Variants in SETBP1 observed in about 807,000 individuals in gnomAD.
SETBP1 encodes SET-binding protein.
Under a neutral mutation model 101.0 loss-of-function variants are expected in SETBP1, and 9 were observed. The observed-to-expected ratio is 0.09, with a 90% CI of 0.05 to 0.16. SETBP1 has a LOEUF of 0.16. SETBP1 is among the 10% of genes least tolerant of loss of function. The pLI, the probability that SETBP1 is intolerant of heterozygous loss-of-function variation, is 1.00. For missense variants in SETBP1, 1,858 were observed against 2,033.8 expected (o/e 0.91, Z 1.66); for synonymous variants, 818 against 788.5 (o/e 1.04, Z -0.63).
At chr18:44,984,294 G>C (rs2072181007) in intron 4 of SETBP1, among the ~76,000 whole-genome samples, 1 of 152,220 alleles carries the variant, frequency 6.6e-6, no homozygotes, top group Non-Finnish European at 1.5e-5. Context: ...AGGCAGGGCA[G>C]GGGAGTGGGG....
intron 4 of SETBP1, among the ~76,000 whole-genome samples, chr18:44,955,349 C>T (rs145241382): frequency 9.7e-4 from 147 of 152,282 alleles, no homozygotes; most frequent in Middle Eastern, 3.4e-3. Context: ...ATGACAATGT[C>T]ATGAAAGAAA....
At chr18:44,731,841 A>G (rs1158336839) in intron 2 of SETBP1, among the ~76,000 whole-genome samples, 1 of 152,224 alleles carries the variant, frequency 6.6e-6, no homozygotes, top group Non-Finnish European at 1.5e-5. Flanking sequence ...TGAAGACAGT[A>G]TGAAATACAA....
chr18:45,043,363 T>TCTCTCTCA (rs143126603), intron 5 of SETBP1, among the ~76,000 whole-genome samples: 1 of 149,472 alleles, frequency 6.7e-6, no homozygotes, highest in Non-Finnish European at 1.5e-5. Flanking sequence ...TCTCTCTCTC[T>TCTCTCTCA]CTCACACACT....
At chr18:45,020,062 G>T (rs956387011) in intron 4 of SETBP1, among the ~76,000 whole-genome samples, 2 of 151,778 alleles carry the variant, frequency 1.3e-5, no homozygotes, top group Non-Finnish European at 2.9e-5. Context: ...CCAGGGTTGT[G>T]GCAGGTTGAG....
chr18:44,843,809 G>T (rs1265364733), intron 2 of SETBP1, among the ~76,000 whole-genome samples: 1 of 152,144 alleles, frequency 6.6e-6, no homozygotes, highest in African/African-American at 2.4e-5. Context: ...GCTTGGGAGG[G>T]TCTCAGTGCA....
Position 44,952,718 on chromosome 18 carries a change from T to A in SETBP1, c.3378T>A (p.Gly1126=). 1 of 1,614,026 alleles carries A rather than the reference T, an allele frequency of 6.2e-7. No individual in the cohort carries two copies. The highest frequency in any genetic ancestry group is 1.6e-4 in the Middle Eastern group (1 of 6,062). The stretch of plus-strand genomic sequence containing the variant: ...AGGGACCTGTTAGCATGGGCCTTGG[T>A]GACATGCAGCCTTCTCTGAACCCTC... ...HLQGPVSMGL[G]DMQPSLNPPK... The change falls in exon 4 of 6, where the codon GGT becomes GGA. Residue 1126 remains glycine (G), a synonymous_variant. Transcript: ENST00000649279.
chr18:44,962,112 G>A (rs1428868875), intron 4 of SETBP1, among the ~76,000 whole-genome samples: 3 of 152,322 alleles, frequency 2.0e-5, no homozygotes, highest in South Asian at 4.1e-4. Context: ...GTTAGCATTC[G>A]TAAAACAACC....
chr18:44,714,061 G>A (rs1199620269), intron 2 of SETBP1, among the ~76,000 whole-genome samples: 1 of 152,194 alleles, frequency 6.6e-6, no homozygotes, highest in Non-Finnish European at 1.5e-5. Context: ...TGAAAGGGCT[G>A]TTAAGTGTGT....
chr18:44,842,259 A>T lies in SETBP1; in HGVS notation c.487-26971A>T, dbSNP rs76437310. 7.5e-4 allele frequency among the ~76,000 whole-genome samples: 114 copies of T among 152,300 alleles called. 1 individual carries two copies. In the East Asian group the frequency reaches 0.021, roughly 28 times the overall value. On this transcript the variant is annotated intron_variant, in intron 2 of 5. Transcript: ENST00000649279. ...CCAGGCTCATCTCTAGCCTTTCCCC[A>T]GGAGGGCTGGGACATGTGAAGGGCA...
Position 44,855,704 on chromosome 18 carries a change from CCAGA to C in SETBP1, c.487-13525_487-13522del, listed in dbSNP as rs1307884048. ...TGCCTCACAATGGTGATTCCCCCAC[CCAGA>C]GAGCCAGTTGTTGAAGAATTTCCAG... On this transcript the variant is annotated intron_variant, in intron 2 of 5. Coordinates refer to ENST00000649279, the MANE Select transcript of SETBP1 (RefSeq NM_015559.3). 2.0e-5 allele frequency among the ~76,000 whole-genome samples: 3 copies of C among 152,170 alleles called. No individual in the cohort carries two copies. The East Asian group carries it at 5.8e-4, about 29-fold the overall frequency.
At chr18:45,021,125 A>C (rs2073055792) in intron 4 of SETBP1, among the ~76,000 whole-genome samples, 1 of 152,264 alleles carries the variant, frequency 6.6e-6, no homozygotes, top group Admixed American at 6.5e-5. Context: ...TGAACAAATA[A>C]ATAGGTAATA....
chr18:44,807,285 A>G (rs569829638), intron 2 of SETBP1, among the ~76,000 whole-genome samples: 4 of 151,908 alleles, frequency 2.6e-5, no homozygotes, highest in African/African-American at 9.6e-5. Context: ...ACGGCCACTG[A>G]TTTCATTTTT....
chr18:44,891,758 A>G (rs1463835542), intron 3 of SETBP1, among the ~76,000 whole-genome samples: 1 of 152,164 alleles, frequency 6.6e-6, no homozygotes, highest in Non-Finnish European at 1.5e-5. Context: ...TGACCAATTC[A>G]GAGTCCTGCT....
intron 4 of SETBP1, chr18:44,987,275 C>T (rs1049828859): frequency 2.0e-5 from 3 of 152,248 alleles, no homozygotes; most frequent in African/African-American, 7.2e-5. Flanking sequence ...CCAGAAGAGC[C>T]CCCAGAGTTT....
chr18:45,001,295 CTTTA>C (rs998869981), intron 4 of SETBP1, among the ~76,000 whole-genome samples: 1 of 152,160 alleles, frequency 6.6e-6, no homozygotes, highest in African/African-American at 2.4e-5. Context: ...TTAACTCCTA[CTTTA>C]TTGAGTATTG....
Position 44,701,652 on chromosome 18 carries a change from T to A in SETBP1, c.306T>A (p.Ser102Arg). 1 of 1,613,886 alleles carries A rather than the reference T, an allele frequency of 6.2e-7. No homozygotes were observed. The highest frequency in any genetic ancestry group is 1.1e-5 in the South Asian group (1 of 91,058). The change falls in exon 2 of 6, where the codon AGT (serine) becomes AGA (arginine). Residue 102 changes from serine to arginine, a missense_variant. Ser to Arg is a moderately radical substitution (Grantham distance 110). Around this residue, in one of 12 missense-constraint regions of SETBP1, gnomAD observed 28 missense variants for 59.2 expected, o/e 0.47. Transcript: ENST00000649279. Reference sequence around the variant, plus strand: ...AGGAGGCAAACTTCACAGAGGGAAGTCTGAAGCTAAAGATTCAGACCACAA... The same window carrying A: ...AGGAGGCAAACTTCACAGAGGGAAGACTGAAGCTAAAGATTCAGACCACAA... ...SIKEANFTEG[S>R]LKLKIQTTKR... is the part of the protein sequence containing the mutation.
intron 2 of SETBP1, among the ~76,000 whole-genome samples, chr18:44,709,462 C>A (rs931233318): frequency 3.3e-5 from 5 of 152,196 alleles, no homozygotes; most frequent in Non-Finnish European, 7.3e-5. Flanking sequence ...CCTGCATAAT[C>A]TTAGGCAAGA....
At chr18:44,931,302 GAC>G (rs1156677783) in intron 3 of SETBP1, among the ~76,000 whole-genome samples, 1 of 152,192 alleles carries the variant, frequency 6.6e-6, no homozygotes, top group African/African-American at 2.4e-5. Context: ...TGGTCTGAGA[GAC>G]AGTTTGTTAT....
At chr18:44,913,791 C>A (rs1197132929) in intron 3 of SETBP1, among the ~76,000 whole-genome samples, 1 of 152,264 alleles carries the variant, frequency 6.6e-6, no homozygotes. Context: ...TTTGAATGGC[C>A]CACAGTGACT....
Sources: allele counts gnomAD v4.1 joint callset (sites outside exome capture counted in the v4.1 genomes callset), GRCh38; gene constraint gnomAD v4.1.1; regional missense constraint gnomAD v4.1.1; transcripts MANE v1.5; gene names NCBI Gene and HGNC (gene_info 2026-07-23, HGNC 2026-07-21).